Variants in SMC1B observed in about 807,000 individuals in gnomAD.
The protein encoded by SMC1B is structural maintenance of chromosomes protein 1B.
SMC1B carries 60 observed loss-of-function variants against 157.9 expected under a neutral mutation model. That is an observed-to-expected ratio of 0.38 (90% CI 0.31 to 0.47). SMC1B has a LOEUF of 0.47. SMC1B is among the 20% of genes least tolerant of loss of function. The probability of loss-of-function intolerance (pLI) is 0.99; values close to 1 mark genes in which losing one functional copy is unlikely to be tolerated. For missense variants in SMC1B, 1,165 were observed against 1,426.2 expected, an observed-to-expected ratio of 0.82 and a Z score of 2.95; for synonymous variants, 445 against 483.0, an observed-to-expected ratio of 0.92 and a Z score of 1.03.
rs745324457 is a variant in SMC1B, at chr22:45,359,954, C to T, written c.2713G>A (p.Val905Met). 9 of 1,613,198 alleles carry T rather than the reference C, an allele frequency of 5.6e-6. No homozygotes were observed. The South Asian group carries it at 9.9e-5, about 18-fold the overall frequency. Residue 905 changes from valine (V) to methionine (M), a missense_variant, in exon 18 of 25, where the codon GTG (valine) becomes ATG (methionine). Physicochemically the swap from Val to Met is conservative, Grantham distance 21 (BLOSUM62 1). Coordinates refer to ENST00000357450, the MANE Select transcript of SMC1B (RefSeq NM_148674.5). The stretch of plus-strand genomic sequence containing the variant: ...ACAACTTCTTTTTGCAATTTCCCCA[C>T]TTCCCTGTAATTACACAGATATGAA... ...RKKFLAVDRE[V>M]GKLQKEVVSI... is the part of the protein sequence containing the mutation.
intron 23 of SMC1B, among the ~76,000 whole-genome samples, chr22:45,348,084 GGGCTGAGA>G (rs2086570234): frequency 6.6e-6 from 1 of 152,208 alleles, no homozygotes; most frequent in Non-Finnish European, 1.5e-5. Flanking sequence ...CAATTTGTTT[GGGCTGAGA>G]GCCCAGCTCT....
chr22:45,397,225 C>T (rs2087135105), intron 6 of SMC1B, among the ~76,000 whole-genome samples: 2 of 152,076 alleles, frequency 1.3e-5, no homozygotes, highest in African/African-American at 4.8e-5. Flanking sequence ...CTATTTTAAA[C>T]AGTCTTTTAG....
chr22:45,399,362 G>A lies in SMC1B; in HGVS notation c.855-9C>T. ...AAAGGGTTTCAACCGATCTGAAAAGGGAAAAATGTTTGCTTTAAAGAAAAT... is the reference window on the plus strand; with the variant it reads ...AAAGGGTTTCAACCGATCTGAAAAGAGAAAAATGTTTGCTTTAAAGAAAAT... On this transcript the variant is annotated splice_polypyrimidine_tract_variant and intron_variant, in intron 5 of 24. Coordinates refer to ENST00000357450, the MANE Select transcript of SMC1B (RefSeq NM_148674.5). 1.3e-6 allele frequency: 2 copies of A among 1,571,092 alleles called. No individual in the cohort carries two copies. Among genetic ancestry groups the A allele is most frequent in the Non-Finnish European group, 8.6e-7 (1 of 1,164,938 alleles).
chr22:45,401,995 T>C (rs1356659076), intron 5 of SMC1B, among the ~76,000 whole-genome samples: 6 of 152,120 alleles, frequency 3.9e-5, no homozygotes, highest in Non-Finnish European at 8.8e-5. Context: ...GCCATTCTCC[T>C]GCCTCAGCCT....
At chr22:45,386,809 A>G in intron 11 of SMC1B, 58 bp downstream of exon 11, 2 of 1,448,082 alleles carry the variant, frequency 1.4e-6, no homozygotes, top group Non-Finnish European at 1.9e-6. Flanking sequence ...TGTGTATGCT[A>G]GTCTTATAAA....
chr22:45,409,424 G>A (rs1602102391), intron 1 of SMC1B, among the ~76,000 whole-genome samples: 2 of 152,174 alleles, frequency 1.3e-5, no homozygotes, highest in East Asian at 1.9e-4. Flanking sequence ...AAATAGCCGA[G>A]CTTGGTGGCA....
At chr22:45,376,037 T>C (rs559975855) in intron 12 of SMC1B, among the ~76,000 whole-genome samples, 2 of 152,332 alleles carry the variant, frequency 1.3e-5, no homozygotes, top group South Asian at 2.1e-4. Context: ...TGGTAAAATA[T>C]ACGTAACATA....
intron 10 of SMC1B, 147 bp downstream of exon 10, chr22:45,389,565 A>AT (rs2087032855): frequency 1.1e-5 from 7 of 641,736 alleles, no homozygotes; most frequent in African/African-American, 1.8e-5. Context: ...TTGCCAATAT[A>AT]TTTAACACCA....
chr22:45,364,591 G>A (rs2086754669), intron 15 of SMC1B, among the ~76,000 whole-genome samples: 1 of 152,110 alleles, frequency 6.6e-6, no homozygotes. Flanking sequence ...CACTCAGACA[G>A]GGGGACAACA....
At chr22:45,377,865 T>C (rs958442541) in intron 12 of SMC1B, among the ~76,000 whole-genome samples, 5 of 151,896 alleles carry the variant, frequency 3.3e-5, no homozygotes, top group African/African-American at 7.3e-5. Context: ...CTTTTTTTTT[T>C]TGAGACAGGG....
At chr22:45,402,929 A>G (rs141207900) in intron 4 of SMC1B, among the ~76,000 whole-genome samples, 1 of 152,334 alleles carries the variant, frequency 6.6e-6, no homozygotes, top group Non-Finnish European at 1.5e-5. Context: ...TATGACTTAT[A>G]AGGTGCTAGT....
chr22:45,353,439 C>T (rs2086635038), intron 21 of SMC1B, among the ~76,000 whole-genome samples: 1 of 152,086 alleles, frequency 6.6e-6, no homozygotes, highest in African/African-American at 2.4e-5. Context: ...AAGTCCCGAC[C>T]TACATCTTCA....
intron 12 of SMC1B, among the ~76,000 whole-genome samples, chr22:45,378,129 GA>G (rs2086901023): frequency 6.6e-6 from 1 of 151,818 alleles, no homozygotes; most frequent in Non-Finnish European, 1.5e-5. Flanking sequence ...TAGTAATGTA[GA>G]CATTTTCCTC....
chr22:45,401,105 C>G (rs554969559), intron 5 of SMC1B, among the ~76,000 whole-genome samples: 1 of 152,064 alleles, frequency 6.6e-6, no homozygotes, highest in Non-Finnish European at 1.5e-5. Flanking sequence ...AAAGTATGGA[C>G]TTTAGTTAAT....
chr22:45,409,247 C>T (rs2087299835), intron 1 of SMC1B, among the ~76,000 whole-genome samples: 1 of 152,100 alleles, frequency 6.6e-6, no homozygotes, highest in South Asian at 2.1e-4. Flanking sequence ...TGGTGCAGCA[C>T]CAAATCCTCT....
chr22:45,351,792 ATGTTC>A (rs1050370356), intron 22 of SMC1B, among the ~76,000 whole-genome samples: 36 of 152,328 alleles, frequency 2.4e-4, no homozygotes, highest in African/African-American at 8.4e-4. Flanking sequence ...TCTTCATCTA[ATGTTC>A]TGAATGTTGA....
chr22:45,349,790 G>A lies in SMC1B; in HGVS notation c.3433C>T (p.Pro1145Ser), dbSNP rs752885992. ...TCATCTAAAACAAAGAATGGGGCAG[G>A]ACGAAAACTAGAAAAAAATTACAAT... is the stretch of plus-strand genomic sequence containing the variant. ...ALLFAVHSFR[P>S]APFFVLDEVD... Residue 1145 changes from proline (P) to serine (S), a missense_variant, in exon 23 of 25, where the codon CCT becomes TCT. Coordinates refer to ENST00000357450, the MANE Select transcript of SMC1B (RefSeq NM_148674.5). The A allele has an allele frequency of 4.4e-6, 7 of 1,608,358 alleles. No homozygotes were observed. In the African/African-American group the frequency reaches 9.4e-5, roughly 22 times the overall value.
In SMC1B at chr22:45,347,093, TCTC is replaced by T. The variant is rs988786112; in HGVS notation, c.3496-1527_3496-1525del. 7.9e-5 allele frequency among the ~76,000 whole-genome samples: 12 copies of T among 152,168 alleles called. No homozygotes were observed. In the East Asian group the frequency reaches 1.4e-3, roughly 17 times the overall value. ...AATGTGGGATATAAAGTGCCAAAAT[TCTC>T]CTCCTAAGGGGAGATTTCTCCCAGA... On this transcript the variant is annotated intron_variant, in intron 23 of 24. Coordinates refer to ENST00000357450, the MANE Select transcript of SMC1B (RefSeq NM_148674.5).
chr22:45,406,691 A>C (rs1273503059), intron 3 of SMC1B, 28 bp from the exon 4 acceptor site: 10 of 1,591,382 alleles, frequency 6.3e-6, no homozygotes, highest in Non-Finnish European at 7.7e-6. Context: ...GCACATCAAC[A>C]TATAAAATAT....
Sources: allele counts gnomAD v4.1 joint callset (sites outside exome capture counted in the v4.1 genomes callset), GRCh38; gene constraint gnomAD v4.1.1; transcripts MANE v1.5; gene names NCBI Gene and HGNC (gene_info 2026-07-23, HGNC 2026-07-21).